Variants in ZNF718 observed in about 807,000 individuals in gnomAD.
ZNF718 encodes zinc finger protein 718.
ZNF718 carries 3 observed loss-of-function variants against 2.6 expected under a neutral mutation model. The observed-to-expected ratio is 1.16, with a 90% CI of 0.53 to 3.01. ZNF718 has a LOEUF of 3.01. ZNF718 is among the 30% of genes most tolerant of loss of function. ZNF718 has a pLI of 0.03. For missense variants in ZNF718, 468 were observed against 230.0 expected, an observed-to-expected ratio of 2.03 and a Z score of -6.69; for synonymous variants, 135 against 77.9, an observed-to-expected ratio of 1.73 and a Z score of -3.86.
intron 3 of ZNF718, among the ~76,000 whole-genome samples, chr4:174,282 G>A (rs954768306): frequency 6.6e-6 from 1 of 152,196 alleles, no homozygotes; most frequent in South Asian, 2.1e-4. Flanking sequence ...CTCTGGGAAC[G>A]TTTTGTGGCC....
At chr4:134,547 C>G (rs1301103419) in intron 3 of ZNF718, among the ~76,000 whole-genome samples, 1 of 152,130 alleles carries the variant, frequency 6.6e-6, no homozygotes, top group Non-Finnish European at 1.5e-5. Flanking sequence ...ATATAGATCA[C>G]TTATGATAAT....
chr4:143,200 G>A (rs373962275), intron 3 of ZNF718, among the ~76,000 whole-genome samples: 50 of 152,222 alleles, frequency 3.3e-4, no homozygotes, highest in Non-Finnish European at 5.3e-4. Flanking sequence ...GGGGAATTTC[G>A]TTTTGTTTTG....
intron 3 of ZNF718, among the ~76,000 whole-genome samples, chr4:188,889 A>T (rs1717626332): frequency 6.6e-6 from 1 of 151,992 alleles, no homozygotes; most frequent in Admixed American, 6.6e-5. Flanking sequence ...TTTGGTTATG[A>T]TAACATTTTA....
In ZNF718 at chr4:161,505, AAG is replaced by A. The variant is rs782746070; in HGVS notation, c.824_825del (p.Arg275AsnfsTer11). 5 of 780,694 alleles carry A rather than the reference AAG, an allele frequency of 6.4e-6. No individual in the cohort carries two copies. The highest frequency in any genetic ancestry group is 1.2e-5 in the Non-Finnish European group (5 of 417,940). 48.4% of individuals were successfully genotyped at this position (780,694 alleles called of 1,614,324 possible). A position where few individuals can be genotyped will look rare whatever the true frequency, so the allele number is the denominator to read the frequency against. On this transcript the variant is annotated frameshift_variant, in exon 4 of 4. Transcript: ENST00000510175. LOFTEE classifies it low-confidence loss of function (END_TRUNC). ...FNQSSTLNLH[K>X]RIHSAQKYYK... ...CCAATCCTCAACCCTTAATTTACATAAGAGAATTCATTCTGCACAAAAATACT... is the reference window on the plus strand; with the variant it reads ...CCAATCCTCAACCCTTAATTTACATAAGAATTCATTCTGCACAAAAATACT...
chr4:138,307 G>T (rs1189023419), intron 3 of ZNF718, among the ~76,000 whole-genome samples: 2 of 152,104 alleles, frequency 1.3e-5, no homozygotes, highest in Admixed American at 1.3e-4. Flanking sequence ...CCAGCCTCTG[G>T]TAACAATCCT....
intron 3 of ZNF718, among the ~76,000 whole-genome samples, chr4:200,623 G>GA (rs1412273052): frequency 6.6e-6 from 1 of 151,910 alleles, no homozygotes; most frequent in Non-Finnish European, 1.5e-5. Flanking sequence ...TACAATACCA[G>GA]AAAAAATTAC....
chr4:126,672 C>T (rs1461199736), intron 1 of ZNF718, among the ~76,000 whole-genome samples: 1 of 69,614 alleles, frequency 1.4e-5, no homozygotes, highest in Non-Finnish European at 2.7e-5. Context: ...TTCAAGTCTT[C>T]TACTTAAGAA....
rs564788028 is a variant in ZNF718 at position 163,834 on chromosome 4, A to G, written c.*1712A>G. 3 of 152,126 alleles carry G rather than the reference A, an allele frequency of 2.0e-5. No individual in the cohort carries two copies. The highest frequency in any genetic ancestry group is 1.3e-4 in the Admixed American group (2 of 15,296). The allele number at this position is 152,126 out of a possible 1,614,324, so 9.4% of individuals were successfully genotyped here. On this transcript the variant is annotated 3_prime_UTR_variant, in exon 4 of 4. Transcript: ENST00000510175. ...AAATAAGTTGAAGAATATTGTTCTC[A>G]TGTTAAATTTTTATTATTTTTTATA...
chr4:153,566 T>TTTCTTTTTCAA (rs1278165941), intron 3 of ZNF718, among the ~76,000 whole-genome samples: 1 of 151,668 alleles, frequency 6.6e-6, no homozygotes, highest in Non-Finnish European at 1.5e-5. Flanking sequence ...CAGTTTTTCA[T>TTTCTTTTTCAA]ATTTTTATCA....
At chr4:145,880 C>G (rs1265971111) in intron 3 of ZNF718, among the ~76,000 whole-genome samples, 3 of 152,060 alleles carry the variant, frequency 2.0e-5, no homozygotes, top group African/African-American at 7.2e-5. Flanking sequence ...AGGCCTCAAG[C>G]AAAAGTTACC....
intron 3 of ZNF718, among the ~76,000 whole-genome samples, chr4:134,996 T>C (rs927259560): frequency 6.6e-6 from 1 of 152,014 alleles, no homozygotes; most frequent in Non-Finnish European, 1.5e-5. Context: ...GTAATCCCAG[T>C]ACTTTGGGAG....
At chr4:174,475 G>A (rs559387838) in intron 3 of ZNF718, among the ~76,000 whole-genome samples, 1 of 152,276 alleles carries the variant, frequency 6.6e-6, no homozygotes, top group South Asian at 2.1e-4. Context: ...TTGTCACTTT[G>A]GGAGAGACCA....
intron 3 of ZNF718, 115 bp from the exon 4 acceptor site, chr4:160,797 C>T (rs1553814748): frequency 1.6e-6 from 1 of 626,730 alleles, no homozygotes; most frequent in African/African-American, 1.8e-5. Context: ...ATTATTTGCC[C>T]ACCTTGGCCT....
At chr4:200,516 C>G (rs782109486) in intron 3 of ZNF718, among the ~76,000 whole-genome samples, 2 of 152,188 alleles carry the variant, frequency 1.3e-5, no homozygotes, top group Non-Finnish European at 2.9e-5. Context: ...ATCCACCCAC[C>G]TCAGCCTCCC....
rs1311193999 is a variant in ZNF718, at chr4:161,208, G to A, written c.523G>A (p.Glu175Lys). Residue 175 changes from glutamate to lysine, a missense_variant, in exon 4 of 4, where the codon GAA (glutamate) becomes AAA (lysine). Glu to Lys is a moderately conservative substitution (Grantham distance 56, BLOSUM62 1). Coordinates refer to ENST00000510175, the MANE Select transcript of ZNF718 (RefSeq NM_001039127.6). ...YTGDKTFKCK[E>K]CGKSFHVLSR... The stretch of plus-strand genomic sequence containing the variant: ...TGGAGATAAAACCTTTAAATGTAAA[G>A]AATGTGGCAAATCATTTCACGTGCT... 2.6e-6 allele frequency: 2 copies of A among 772,834 alleles called. No homozygotes were observed. Among genetic ancestry groups the A allele is most frequent in the Non-Finnish European group, 4.8e-6 (2 of 415,478 alleles). 47.9% of individuals were successfully genotyped at this position (772,834 alleles called of 1,614,324 possible).
intron 3 of ZNF718, among the ~76,000 whole-genome samples, chr4:139,246 A>G (rs6599293): frequency 0.2 from 30,592 of 152,148 alleles, 3,283 homozygotes; most frequent in Admixed American, 0.27. Context: ...TAGTAGTTTC[A>G]TAGTTTGATG....
At chr4:200,243 TTTTTTTTG>T (rs782289022) in intron 3 of ZNF718, among the ~76,000 whole-genome samples, 4 of 144,606 alleles carry the variant, frequency 2.8e-5, no homozygotes, top group Non-Finnish European at 4.6e-5. Flanking sequence ...GAGGAGGTTT[TTTTTTTTG>T]TTTGTTTGTT....
chr4:182,468 C>T (rs1717487855), intron 3 of ZNF718, among the ~76,000 whole-genome samples: 1 of 151,760 alleles, frequency 6.6e-6, no homozygotes, highest in Non-Finnish European at 1.5e-5. Context: ...GAGACTCATT[C>T]TGTTGCCAAG....
At chr4:159,386 AT>A (rs34256266) in intron 3 of ZNF718, among the ~76,000 whole-genome samples, 23,620 of 148,286 alleles carry the variant, frequency 0.16, 2,115 homozygotes, top group Admixed American at 0.25. Flanking sequence ...GACATCTGGA[AT>A]TTTTTTTTTT....
Sources: gnomAD v4.1 joint callset for allele counts (sites outside exome capture counted in the v4.1 genomes callset) on GRCh38, gnomAD v4.1.1 for gene constraint, MANE v1.5 for transcripts, NCBI Gene and HGNC (gene_info 2026-07-23, HGNC 2026-07-21) for gene names.